The following ATG10 variants were observed in gnomAD, a reference collection of about 807,000 sequenced individuals.
The protein encoded by ATG10 is autophagy related 10.
ATG10 carries 30 observed loss-of-function variants against 32.1 expected under a neutral mutation model. That is an observed-to-expected ratio of 0.94 (90% CI 0.70 to 1.27). The LOEUF is 1.27. ATG10 is among the 50% of genes most tolerant of loss of function. The pLI is 0.00. For synonymous variants in ATG10, 87 were observed against 91.5 expected (o/e 0.95, Z 0.28); for missense variants, 233 against 262.3 (o/e 0.89, Z 0.77).
Position 82,112,650 on chromosome 5 carries a change from C to T in ATG10, c.217-51749C>T, listed in dbSNP as rs1308581577. Among the ~76,000 whole-genome samples the T allele has an allele frequency of 2.0e-5, 3 of 151,810 alleles. No homozygotes were observed. In the East Asian group the frequency reaches 5.8e-4, roughly 29 times the overall value. On this transcript the variant is annotated intron_variant, in intron 3 of 7. Coordinates refer to ENST00000282185, the MANE Select transcript of ATG10 (RefSeq NM_031482.5). ...ACATTAGTGCTGTGATTATTAAGAA[C>T]CTTCAGAATAATCGATTGTAGAATA...
chr5:82,063,494 AT>A lies in ATG10; in HGVS notation c.216+4908del, dbSNP rs143081537. 5.0e-3 allele frequency among the ~76,000 whole-genome samples: 716 copies of A among 143,340 alleles called. 1 individual carries two copies. The highest frequency in any genetic ancestry group is 7.2e-3 in the Middle Eastern group (2 of 278). 94.0% of individuals were successfully genotyped at this position (143,340 alleles called of 152,430 possible). ...TAAAAAATGCAATGAACTGCTAACA[AT>A]TTTTTTTTTTTTTTTGAAATAGAGT... On this transcript the variant is annotated intron_variant, in intron 3 of 7. Coordinates refer to ENST00000282185, the MANE Select transcript of ATG10 (RefSeq NM_031482.5).
chr5:81,993,811 A>G lies in ATG10; in HGVS notation c.108+6133A>G, dbSNP rs1761579792. ...TTTCAGTGTCTTTTATTATAGAAATAATGCTATAAATGAAGTTGTAGTTTG... is the reference window on the plus strand; with the variant it reads ...TTTCAGTGTCTTTTATTATAGAAATGATGCTATAAATGAAGTTGTAGTTTG... On this transcript the variant is annotated intron_variant, in intron 2 of 7. Transcript: ENST00000282185. 3.9e-5 allele frequency among the ~76,000 whole-genome samples: 6 copies of G among 152,296 alleles called. No homozygotes were observed. In the South Asian group the frequency reaches 1.2e-3, roughly 32 times the overall value.
intron 2 of ATG10, among the ~76,000 whole-genome samples, chr5:82,054,759 A>G (rs1000800): frequency 0.23 from 35,367 of 152,046 alleles, 4,390 homozygotes; most frequent in South Asian, 0.36. Context: ...TCAGGTTGTT[A>G]TGTGGGATGG....
intron 3 of ATG10, among the ~76,000 whole-genome samples, chr5:82,115,130 A>G (rs1765755659): frequency 6.6e-6 from 1 of 152,104 alleles, no homozygotes; most frequent in Non-Finnish European, 1.5e-5. Flanking sequence ...TGTGATAAAA[A>G]TGTCATAGAA....
chr5:82,139,584 A>G (rs1411461542), intron 3 of ATG10, among the ~76,000 whole-genome samples: 36 of 140,584 alleles, frequency 2.6e-4, no homozygotes, highest in African/African-American at 8.7e-4. Flanking sequence ...CCGTCTGAGA[A>G]GTGAGGAGCC....
intron 3 of ATG10, among the ~76,000 whole-genome samples, chr5:82,125,029 T>G (rs181041209): frequency 2.0e-5 from 3 of 152,360 alleles, no homozygotes; most frequent in African/African-American, 7.2e-5. Flanking sequence ...TTTGCATTTC[T>G]CTAAAGACCA....
intron 3 of ATG10, among the ~76,000 whole-genome samples, chr5:82,163,333 A>T (rs971573730): frequency 1.3e-5 from 2 of 152,138 alleles, no homozygotes; most frequent in Non-Finnish European, 2.9e-5. Context: ...GTTGTGATTT[A>T]TCCATTGTAA....
intron 5 of ATG10, among the ~76,000 whole-genome samples, chr5:82,221,585 C>T (rs1745931736): frequency 6.6e-6 from 1 of 152,136 alleles, no homozygotes; most frequent in Non-Finnish European, 1.5e-5. Context: ...GCTTTTCCAG[C>T]AGCCAGGGAA....
Position 81,974,351 on chromosome 5 carries a change from TTAA to T in ATG10, c.-13+2047_-13+2049del, listed in dbSNP as rs374908647. ...AGAATAAGCTGTACCTGAAGGAATC[TTAA>T]TTAGGGAATGGTTGCTGAAAACTGC... On this transcript the variant is annotated intron_variant, in intron 1 of 7. Coordinates refer to ENST00000282185, the MANE Select transcript of ATG10 (RefSeq NM_031482.5). Among the ~76,000 whole-genome samples, 190 of 152,296 alleles carry T rather than the reference TTAA, an allele frequency of 1.2e-3. 2 individuals carry two copies. The highest frequency in any genetic ancestry group is 4.2e-3 in the African/African-American group (176 of 41,572).
intron 7 of ATG10, 141 bp downstream of exon 7, chr5:82,253,570 G>A (rs1747348433): frequency 6.4e-6 from 4 of 621,096 alleles, no homozygotes; most frequent in South Asian, 5.8e-5. Flanking sequence ...TTTCCAATCA[G>A]TCCCCTACCA....
intron 3 of ATG10, among the ~76,000 whole-genome samples, chr5:82,081,295 T>C (rs1764472540): frequency 1.3e-5 from 2 of 152,182 alleles, no homozygotes; most frequent in Non-Finnish European, 2.9e-5. Flanking sequence ...ACAATCATGT[T>C]ATCTGCAAAC....
At chr5:82,049,092 T>C (rs2149737626) in intron 2 of ATG10, among the ~76,000 whole-genome samples, 1 of 151,652 alleles carries the variant, frequency 6.6e-6, no homozygotes, top group Non-Finnish European at 1.5e-5. Context: ...TAAAGACACA[T>C]GCACACGTAT....
chr5:82,162,509 T>C (rs937275293), intron 3 of ATG10, among the ~76,000 whole-genome samples: 2 of 152,148 alleles, frequency 1.3e-5, no homozygotes, highest in African/African-American at 2.4e-5. Context: ...TTTAAAATGC[T>C]CATATCCTTT....
In ATG10 at chr5:82,230,699, T is replaced by C. The variant is rs188452631; in HGVS notation, c.454-21863T>C. ...AGTGAGCTGAGATCGCACCACTGCA[T>C]TCCAGCCTGGGCAACAGAGTGAGAC... On this transcript the variant is annotated intron_variant, in intron 5 of 7. Coordinates refer to ENST00000282185, the MANE Select transcript of ATG10 (RefSeq NM_031482.5). Among the ~76,000 whole-genome samples, 1,279 of 130,114 alleles carry C rather than the reference T, an allele frequency of 9.8e-3. 6 individuals are homozygous for C. The highest frequency in any genetic ancestry group is 0.013 in the Non-Finnish European group (833 of 65,040). The allele number at this position is 130,114 out of a possible 152,430, so 85.4% of individuals were successfully genotyped here.
intron 2 of ATG10, among the ~76,000 whole-genome samples, chr5:82,004,602 G>T (rs776679755): frequency 1.1e-4 from 16 of 152,140 alleles, no homozygotes; most frequent in Non-Finnish European, 1.9e-4. Flanking sequence ...TTTTGTTTTT[G>T]TTGTTTGTTT....
intron 3 of ATG10, among the ~76,000 whole-genome samples, chr5:82,121,343 G>A (rs1425752509): frequency 6.6e-6 from 1 of 152,198 alleles, no homozygotes; most frequent in Non-Finnish European, 1.5e-5. Flanking sequence ...TTGTTTGTCA[G>A]CTGAAGGAGG....
intron 3 of ATG10, among the ~76,000 whole-genome samples, chr5:82,099,136 A>G (rs1012498632): frequency 6.6e-6 from 1 of 152,176 alleles, no homozygotes; most frequent in African/African-American, 2.4e-5. Flanking sequence ...ATTGTAAAAG[A>G]TACTAGATAT....
At chr5:82,097,134 T>A (rs181374643) in intron 3 of ATG10, among the ~76,000 whole-genome samples, 1 of 152,286 alleles carries the variant, frequency 6.6e-6, no homozygotes, top group Non-Finnish European at 1.5e-5. Flanking sequence ...AACCTTGATT[T>A]TTTTGTTAAA....
chr5:81,998,788 A>G (rs751014102), intron 2 of ATG10, among the ~76,000 whole-genome samples: 57 of 152,198 alleles, frequency 3.7e-4, no homozygotes, highest in Non-Finnish European at 1.3e-4. Flanking sequence ...AAAAATGACA[A>G]AGAAGGATAT....
Sources: allele counts gnomAD v4.1 joint callset (sites outside exome capture counted in the v4.1 genomes callset), GRCh38; gene constraint gnomAD v4.1.1; transcripts MANE v1.5; gene names NCBI Gene and HGNC (gene_info 2026-07-23, HGNC 2026-07-21).